Variants in PDE6C observed in about 807,000 individuals in gnomAD.
PDE6C encodes phosphodiesterase 6C, also known as cone cGMP-specific 3',5'-cyclic phosphodiesterase subunit alpha'.
A neutral mutation model predicts 113.1 loss-of-function variants in PDE6C; 75 were observed. The ratio of observed to expected loss-of-function variants is 0.66; its 90% confidence interval spans 0.55 to 0.80. PDE6C has a LOEUF of 0.80. Ranked by LOEUF, PDE6C falls within the 30% of genes least tolerant of loss-of-function variation. PDE6C has a pLI of 0.00. For missense variants in PDE6C, 912 were observed against 1,038.6 expected (o/e 0.88, Z 1.67); for synonymous variants, 375 against 363.7 (o/e 1.03, Z -0.35).
intron 1 of PDE6C, among the ~76,000 whole-genome samples, chr10:93,616,759 T>C (rs2058421974): frequency 6.7e-6 from 1 of 149,268 alleles, no homozygotes; most frequent in Non-Finnish European, 1.5e-5. Flanking sequence ...GTTAGAGCCA[T>C]TCTCCTGCCT....
intron 12 of PDE6C, 104 bp from the exon 13 acceptor site, chr10:93,640,346 A>T: frequency 8.1e-7 from 1 of 1,231,498 alleles, no homozygotes; most frequent in Non-Finnish European, 1.2e-6. Context: ...CATCAGCTTA[A>T]CCCCTATCTA....
intron 21 of PDE6C, among the ~76,000 whole-genome samples, chr10:93,663,778 ATGT>A (rs1165385462): frequency 6.6e-6 from 1 of 152,068 alleles, no homozygotes; most frequent in African/African-American, 2.4e-5. Flanking sequence ...GTCAAGTTTA[ATGT>A]TGTTTTTGGA....
At chr10:93,662,828 T>C (rs1185891243) in intron 20 of PDE6C, among the ~76,000 whole-genome samples, 185 bp downstream of exon 20, 1 of 152,178 alleles carries the variant, frequency 6.6e-6, no homozygotes, top group African/African-American at 2.4e-5. Context: ...GGAACTCAGA[T>C]GTGAGCGAAC....
At chr10:93,665,298 T>C in intron 21 of PDE6C, 62 bp from the exon 22 acceptor site, 1 of 1,202,830 alleles carries the variant, frequency 8.3e-7, no homozygotes, top group Non-Finnish European at 1.2e-6. Flanking sequence ...ATGGGAATGT[T>C]AGAATAAAAA....
chr10:93,652,777 C>G (rs574330518), intron 15 of PDE6C, among the ~76,000 whole-genome samples: 4 of 152,194 alleles, frequency 2.6e-5, no homozygotes, highest in Non-Finnish European at 4.4e-5. Context: ...GCAATATGCA[C>G]TAAAACAATT....
At chr10:93,650,378 C>G (rs533598543) in intron 15 of PDE6C, among the ~76,000 whole-genome samples, 2 of 152,272 alleles carry the variant, frequency 1.3e-5, no homozygotes, top group South Asian at 4.1e-4. Flanking sequence ...TCCCAAGTAG[C>G]TGGGACTACA....
At chr10:93,638,951 C>A (rs1281659596) in intron 11 of PDE6C, among the ~76,000 whole-genome samples, 1 of 152,214 alleles carries the variant, frequency 6.6e-6, no homozygotes, top group Non-Finnish European at 1.5e-5. Context: ...GTAAATAGAG[C>A]ATGGCTGTCC....
At chr10:93,637,454 T>C (rs1589698847) in intron 11 of PDE6C, among the ~76,000 whole-genome samples, 3 of 152,300 alleles carry the variant, frequency 2.0e-5, no homozygotes, top group African/African-American at 7.2e-5. Flanking sequence ...GCCTGCCATT[T>C]CTAGCTTCTC....
Position 93,644,312 on chromosome 10 carries a change from T to C in PDE6C, c.1848-1648T>C, listed in dbSNP as rs200952277. Among the ~76,000 whole-genome samples the C allele has an allele frequency of 1.1e-4, 16 of 152,324 alleles. 1 individual carries two copies. The East Asian group carries it at 3.1e-3, about 29-fold the overall frequency. ...GTTAGTTTGAGATCAGATTAATATC[T>C]AGCTTCCCAATAACATTTTTTAACT... On this transcript the variant is annotated intron_variant, in intron 14 of 21. Transcript: ENST00000371447.
At chr10:93,655,967 C>G (rs1459666590) in intron 16 of PDE6C, 107 bp downstream of exon 16, 1 of 753,848 alleles carries the variant, frequency 1.3e-6, no homozygotes, top group Non-Finnish European at 2.5e-6. Context: ...CACACACATA[C>G]ACACACACAG....
At chr10:93,651,546 C>T (rs746272348) in intron 15 of PDE6C, among the ~76,000 whole-genome samples, 2 of 152,166 alleles carry the variant, frequency 1.3e-5, no homozygotes, top group Non-Finnish European at 2.9e-5. Flanking sequence ...GGGAGAACTG[C>T]CCCCATGATT....
At chr10:93,636,367 T>TG (rs1564800153) in intron 10 of PDE6C, among the ~76,000 whole-genome samples, 40,313 of 130,146 alleles carry the variant, frequency 0.31, 6,382 homozygotes, top group Non-Finnish European at 0.38. Flanking sequence ...TTTCCCTGGC[T>TG]TTGTGTGTGT....
chr10:93,632,754 T>C (rs11814998), intron 8 of PDE6C, among the ~76,000 whole-genome samples: 13,848 of 152,284 alleles, frequency 0.091, 672 homozygotes, highest in African/African-American at 0.12. Context: ...GCAAGCACTA[T>C]GCACTGCATC....
intron 16 of PDE6C, among the ~76,000 whole-genome samples, chr10:93,658,666 TTCCC>T (rs2058651817): frequency 8.9e-6 from 1 of 111,888 alleles, no homozygotes; most frequent in Non-Finnish European, 2.1e-5. Flanking sequence ...TGTTTTGTTT[TTCCC>T]TCTCTCTCTC....
intron 10 of PDE6C, among the ~76,000 whole-genome samples, chr10:93,636,165 CCTAACTGTGCAGG>C (rs2058528190): frequency 2.6e-5 from 4 of 152,128 alleles, no homozygotes; most frequent in South Asian, 2.1e-4. Flanking sequence ...AGAGAGCAAA[CCTAACTGTGCAGG>C]CATACTTCAG....
In PDE6C at chr10:93,612,799, A is replaced by G; in HGVS notation, c.74A>G (p.Asp25Gly). Reference protein sequence around the residue: ...ENPQFAKEYFDRKLRVEVLGE... With the variant: ...ENPQFAKEYFGRKLRVEVLGE... ...CCTCAGTTTGCCAAGGAGTACTTTGACAGGAAGTTGCGGGTGGAGGTGCTG... is the reference window on the plus strand; with the variant it reads ...CCTCAGTTTGCCAAGGAGTACTTTGGCAGGAAGTTGCGGGTGGAGGTGCTG... Residue 25 changes from aspartate (D) to glycine (G), a missense_variant, in exon 1 of 22, where the codon GAC (aspartate) becomes GGC (glycine). Coordinates refer to ENST00000371447, the MANE Select transcript of PDE6C (RefSeq NM_006204.4). The G allele has an allele frequency of 6.2e-7, 1 of 1,614,208 alleles. No individual in the cohort carries two copies. Among genetic ancestry groups the G allele is most frequent in the Non-Finnish European group, 8.5e-7 (1 of 1,180,034 alleles).
At chr10:93,613,740 G>A (rs2058404890) in intron 1 of PDE6C, among the ~76,000 whole-genome samples, 2 of 152,194 alleles carry the variant, frequency 1.3e-5, no homozygotes, top group African/African-American at 4.8e-5. Flanking sequence ...AAAAAATGAT[G>A]CCATTTGAAA....
At chr10:93,618,109 T>C (rs1176139954) in intron 1 of PDE6C, among the ~76,000 whole-genome samples, 2 of 152,108 alleles carry the variant, frequency 1.3e-5, no homozygotes, top group Non-Finnish European at 2.9e-5. Context: ...CTCCGCGGTA[T>C]GGGAGGCCTA....
In PDE6C at chr10:93,634,687, A is replaced by G. The variant is rs1192902477; in HGVS notation, c.1120-71A>G. ...TCTCTCTGTACATTTCTTTTGTAAT[A>G]TCCTGTGAATTTATGATTATTTCAA... On this transcript the variant is annotated intron_variant, in intron 8 of 21. Transcript: ENST00000371447. The G allele has an allele frequency of 2.7e-6, 4 of 1,504,436 alleles. No individual in the cohort carries two copies. The Admixed American group carries it at 7.0e-5, about 26-fold the overall frequency. The allele number at this position is 1,504,436 out of a possible 1,614,324, so 93.2% of individuals were successfully genotyped here. A position where few individuals can be genotyped will look rare whatever the true frequency, so the allele number is the denominator to read the frequency against.
Sources: gnomAD v4.1 joint callset for allele counts (sites outside exome capture counted in the v4.1 genomes callset) on GRCh38, gnomAD v4.1.1 for gene constraint, MANE v1.5 for transcripts, NCBI Gene and HGNC (gene_info 2026-07-23, HGNC 2026-07-21) for gene names.